The following ANKS1B variants were observed in gnomAD, a reference collection of about 807,000 sequenced individuals.
The protein encoded by ANKS1B is ankyrin repeat and sterile alpha motif domain-containing protein 1B.
ANKS1B carries 36 observed loss-of-function variants against 148.3 expected under a neutral mutation model. The observed-to-expected ratio is 0.24, with a 90% CI of 0.19 to 0.32. ANKS1B has a LOEUF of 0.32. ANKS1B is among the 10% of genes least tolerant of loss of function. The pLI is 1.00. For missense variants in ANKS1B, 1,157 were observed against 1,542.6 expected (o/e 0.75, Z 4.19); for synonymous variants, 542 against 560.8 (o/e 0.97, Z 0.47).
intron 9 of ANKS1B, among the ~76,000 whole-genome samples, chr12:99,531,047 A>T (rs2096984340): frequency 6.6e-6 from 1 of 152,074 alleles, no homozygotes; most frequent in South Asian, 2.1e-4. Flanking sequence ...GGGCCCTCCC[A>T]GGCCTATAGA....
At chr12:99,396,722 G>T (rs949702923) in intron 12 of ANKS1B, among the ~76,000 whole-genome samples, 8 of 152,082 alleles carry the variant, frequency 5.3e-5, no homozygotes, top group Admixed American at 3.3e-4. Flanking sequence ...TTTGGGACTA[G>T]ACCTAAATTT....
intron 17 of ANKS1B, among the ~76,000 whole-genome samples, chr12:98,926,090 C>G (rs2099807780): frequency 6.6e-6 from 1 of 152,094 alleles, no homozygotes. Context: ...ACCTGAGAAG[C>G]CCCTATTCTC....
At chr12:99,302,817 G>T (rs1290653934) in intron 12 of ANKS1B, among the ~76,000 whole-genome samples, 2 of 152,096 alleles carry the variant, frequency 1.3e-5, no homozygotes, top group African/African-American at 4.8e-5. Context: ...GTTTTCACTT[G>T]CTTTTCATCA....
chr12:99,595,456 A>G (rs1172544440), intron 9 of ANKS1B, among the ~76,000 whole-genome samples: 2 of 152,034 alleles, frequency 1.3e-5, no homozygotes, highest in Non-Finnish European at 2.9e-5. Context: ...AAAAATGAAA[A>G]GTAATAAGAT....
At chr12:99,746,191 A>G (rs10745867) in intron 8 of ANKS1B, among the ~76,000 whole-genome samples, 66,459 of 151,944 alleles carry the variant, frequency 0.44, 14,945 homozygotes, top group South Asian at 0.61. Flanking sequence ...TATTTCCCCA[A>G]GGTTTCTGAA....
intron 8 of ANKS1B, 121 bp from the exon 9 acceptor site, chr12:99,655,331 C>A (rs2098444806): frequency 1.2e-6 from 1 of 869,220 alleles, no homozygotes; most frequent in South Asian, 2.2e-5. Context: ...TCACTTTTAG[C>A]CACAGTTACA....
chr12:99,780,118 TACACACACACATGCGCACACACAC>T (rs1420238815), intron 5 of ANKS1B, 146 bp from the exon 6 acceptor site: 9 of 614,702 alleles, frequency 1.5e-5, no homozygotes, highest in Non-Finnish European at 2.6e-5. Context: ...CACACACACA[TACACACACACATGCGCACACACAC>T]ACACACTCAC....
intron 15 of ANKS1B, among the ~76,000 whole-genome samples, chr12:99,112,601 T>C (rs549954470): frequency 1.3e-5 from 2 of 152,272 alleles, no homozygotes; most frequent in South Asian, 4.1e-4. Context: ...GGATCTGTTA[T>C]GTATCAGGTA....
chr12:99,955,555 C>CTCAGCAT (rs1320053535), intron 1 of ANKS1B, among the ~76,000 whole-genome samples: 5 of 137,156 alleles, frequency 3.6e-5, no homozygotes, highest in Non-Finnish European at 6.2e-5. Context: ...ACTTTGGAGT[C>CTCAGCAT]TCAGCATTCC....
At chr12:99,041,373 A>G (rs545974554) in intron 17 of ANKS1B, among the ~76,000 whole-genome samples, 83 of 152,308 alleles carry the variant, frequency 5.4e-4, no homozygotes, top group Middle Eastern at 3.4e-3. Context: ...TTGCAATTTA[A>G]TTTTCTAAAA....
chr12:99,463,514 G>A (rs1289742049), intron 10 of ANKS1B, among the ~76,000 whole-genome samples: 9 of 152,192 alleles, frequency 5.9e-5, no homozygotes, highest in African/African-American at 2.2e-4. Flanking sequence ...AGTGCAAGGG[G>A]GCAGGGAGTT....
intron 15 of ANKS1B, among the ~76,000 whole-genome samples, chr12:99,100,929 G>A (rs909355881): frequency 1.3e-5 from 2 of 152,220 alleles, no homozygotes; most frequent in African/African-American, 4.8e-5. Context: ...GACATTTTGG[G>A]AAGCGGAACA....
At chr12:99,119,907 G>A (rs2372725) in intron 15 of ANKS1B, among the ~76,000 whole-genome samples, 7,027 of 152,212 alleles carry the variant, frequency 0.046, 339 homozygotes, top group African/African-American at 0.11. Flanking sequence ...TCTGGTCAAA[G>A]AAAGTAATCA....
At chr12:99,487,324 C>A (rs1282514175) in intron 10 of ANKS1B, among the ~76,000 whole-genome samples, 3 of 152,150 alleles carry the variant, frequency 2.0e-5, no homozygotes, top group Non-Finnish European at 1.5e-5. Flanking sequence ...ACTTAATTAT[C>A]TTTAAAGTTT....
chr12:99,585,187 G>A (rs1280530734), intron 9 of ANKS1B, among the ~76,000 whole-genome samples: 1 of 152,102 alleles, frequency 6.6e-6, no homozygotes, highest in Non-Finnish European at 1.5e-5. Context: ...GGAGGTCCAG[G>A]CATTGGGTAA....
At chr12:98,969,140 T>G (rs2099881081) in intron 17 of ANKS1B, among the ~76,000 whole-genome samples, 1 of 152,134 alleles carries the variant, frequency 6.6e-6, no homozygotes, top group Admixed American at 6.5e-5. Context: ...AGGATATGCT[T>G]GTGAAATGTA....
intron 1 of ANKS1B, among the ~76,000 whole-genome samples, chr12:99,900,913 C>G (rs1156836889): frequency 6.6e-6 from 1 of 152,086 alleles, no homozygotes; most frequent in Non-Finnish European, 1.5e-5. Context: ...AATTTCAGAC[C>G]AGCATTTTGC....
intron 9 of ANKS1B, among the ~76,000 whole-genome samples, chr12:99,508,918 G>GT (rs2153021741): frequency 6.6e-6 from 1 of 151,928 alleles, no homozygotes; most frequent in East Asian, 1.9e-4. Flanking sequence ...ACCGGGCATT[G>GT]AGCAAGTCTA....
chr12:99,751,219 C>T (rs1051769164), intron 8 of ANKS1B, among the ~76,000 whole-genome samples: 1 of 151,852 alleles, frequency 6.6e-6, no homozygotes, highest in Non-Finnish European at 1.5e-5. Flanking sequence ...TTAGATCTTT[C>T]TTTAAAAAGA....
Sources: allele counts gnomAD v4.1 joint callset (sites outside exome capture counted in the v4.1 genomes callset), GRCh38; gene constraint gnomAD v4.1.1; transcripts MANE v1.5; gene names NCBI Gene and HGNC (gene_info 2026-07-23, HGNC 2026-07-21).